Variants in NPAS3 observed in about 807,000 individuals in gnomAD.
NPAS3 encodes the protein neuronal PAS domain protein 3, also known as neuronal PAS domain-containing protein 3.
A neutral mutation model predicts 73.1 loss-of-function variants in NPAS3; 14 were observed. The observed-to-expected ratio is 0.19, with a 90% CI of 0.13 to 0.30. The LOEUF (loss-of-function observed/expected upper bound fraction) is 0.30, where lower values mean the gene tolerates loss of function less well. Among genes scored for constraint, NPAS3 ranks in the 10% least tolerant of loss-of-function variants. NPAS3 has a pLI of 1.00. For missense variants in NPAS3, 1,096 were observed against 1,250.0 expected (o/e 0.88, Z 1.86); for synonymous variants, 620 against 541.5 (o/e 1.14, Z -2.01).
chr14:32,939,284 A>G, upstream of NPAS3: 1 of 557,906 alleles, frequency 1.8e-6, no homozygotes, highest in Non-Finnish European at 3.2e-6. Context: ...GGAGAGAGGC[A>G]AAAAGTAAGA....
chr14:33,562,223 A>C (rs1418777706), intron 5 of NPAS3, among the ~76,000 whole-genome samples: 1 of 152,236 alleles, frequency 6.6e-6, no homozygotes, highest in African/African-American at 2.4e-5. Flanking sequence ...CTGTATCATT[A>C]AGTAAAATCT....
At chr14:33,137,899 G>C (rs913700846) in intron 2 of NPAS3, among the ~76,000 whole-genome samples, 1 of 152,102 alleles carries the variant, frequency 6.6e-6, no homozygotes, top group African/African-American at 2.4e-5. Flanking sequence ...ATTCTCAATA[G>C]TTTTTGGGGA....
At chr14:33,205,876 T>C (rs975838433) in intron 2 of NPAS3, among the ~76,000 whole-genome samples, 12 of 152,192 alleles carry the variant, frequency 7.9e-5, no homozygotes, top group Non-Finnish European at 1.6e-4. Flanking sequence ...CTTAGTTGTG[T>C]TTCAGAAGTG....
intron 4 of NPAS3, among the ~76,000 whole-genome samples, chr14:33,416,096 G>A (rs1381436520): frequency 6.6e-6 from 1 of 152,048 alleles, no homozygotes; most frequent in African/African-American, 2.4e-5. Flanking sequence ...TTTAAATCAA[G>A]CTTTGTACAC....
chr14:33,156,944 A>G (rs1286465646), intron 2 of NPAS3, among the ~76,000 whole-genome samples: 1 of 152,220 alleles, frequency 6.6e-6, no homozygotes. Context: ...TTAATGCAGT[A>G]TTTATAAATA....
intron 3 of NPAS3, among the ~76,000 whole-genome samples, chr14:33,366,095 A>G (rs1006887319): frequency 6.6e-6 from 1 of 152,134 alleles, no homozygotes; most frequent in Non-Finnish European, 1.5e-5. Flanking sequence ...GTGTAAAGCA[A>G]ATGGATTTTT....
At chr14:33,680,474 T>C in intron 6 of NPAS3, 1 of 640,774 alleles carries the variant, frequency 1.6e-6, no homozygotes. Context: ...CCTGTGTATG[T>C]AGGTATGTAT....
intron 5 of NPAS3, among the ~76,000 whole-genome samples, chr14:33,579,922 A>G (rs1332493573): frequency 6.6e-6 from 1 of 152,220 alleles, no homozygotes; most frequent in African/African-American, 2.4e-5. Context: ...TAGGTTTACC[A>G]TATGGATCTC....
At chr14:33,575,564 A>G (rs1344714095) in intron 5 of NPAS3, among the ~76,000 whole-genome samples, 1 of 152,198 alleles carries the variant, frequency 6.6e-6, no homozygotes, top group Non-Finnish European at 1.5e-5. Context: ...CATAATTGGT[A>G]AAAAGAATAT....
intron 3 of NPAS3, among the ~76,000 whole-genome samples, chr14:33,225,213 G>A (rs887810507): frequency 3.3e-5 from 5 of 152,194 alleles, no homozygotes; most frequent in Non-Finnish European, 7.4e-5. Flanking sequence ...TACATAGTTT[G>A]CTTAAGACTT....
intron 2 of NPAS3, among the ~76,000 whole-genome samples, chr14:33,127,090 TG>T (rs908771490): frequency 1.7e-4 from 23 of 136,210 alleles, no homozygotes; most frequent in African/African-American, 4.6e-4. Context: ...TCCCTGCTTT[TG>T]AAAAAAAAAA....
At chr14:33,077,332 T>C (rs1211571979) in intron 2 of NPAS3, among the ~76,000 whole-genome samples, 2 of 152,204 alleles carry the variant, frequency 1.3e-5, no homozygotes. Context: ...GATTTCCTTT[T>C]GGAAATTATT....
chr14:33,751,591 T>C (rs1808802275), intron 7 of NPAS3, among the ~76,000 whole-genome samples: 1 of 152,236 alleles, frequency 6.6e-6, no homozygotes, highest in African/African-American at 2.4e-5. Context: ...ATTGGAAATG[T>C]CTCTGTATTT....
intron 6 of NPAS3, among the ~76,000 whole-genome samples, chr14:33,693,827 C>T (rs189000423): frequency 7.3e-4 from 111 of 152,252 alleles, no homozygotes; most frequent in Non-Finnish European, 1.5e-3. Flanking sequence ...GAATAACAAA[C>T]AGGACTAAGA....
chr14:33,148,307 G>A (rs2044319941), intron 2 of NPAS3, among the ~76,000 whole-genome samples: 1 of 152,046 alleles, frequency 6.6e-6, no homozygotes, highest in Non-Finnish European at 1.5e-5. Context: ...GGAACAATGA[G>A]TATATAAAAA....
intron 2 of NPAS3, among the ~76,000 whole-genome samples, chr14:33,181,525 A>G (rs910498729): frequency 6.6e-6 from 1 of 152,204 alleles, no homozygotes; most frequent in Non-Finnish European, 1.5e-5. Flanking sequence ...CTGTGATTTC[A>G]TATCTGTGCA....
intron 4 of NPAS3, among the ~76,000 whole-genome samples, chr14:33,516,443 A>G (rs1478333216): frequency 6.6e-6 from 1 of 152,152 alleles, no homozygotes; most frequent in Non-Finnish European, 1.5e-5. Flanking sequence ...GAAATTACAT[A>G]CTGTGGAATA....
At position 33,391,435 on chromosome 14, in the gene NPAS3, C is replaced by T. The variant is rs532094006; in HGVS notation, c.468+24167C>T. On this transcript the variant is annotated intron_variant, in intron 4 of 11. Coordinates refer to ENST00000356141, the Ensembl canonical transcript of NPAS3. Reference sequence around the variant, plus strand: ...CTTGAACTCCCTACCTCAGGTGATCCGCCAGTCTTGGCCTCCCAAAGTGCT... The same window carrying T: ...CTTGAACTCCCTACCTCAGGTGATCTGCCAGTCTTGGCCTCCCAAAGTGCT... 5.3e-5 allele frequency among the ~76,000 whole-genome samples: 8 copies of T among 152,150 alleles called. No homozygotes were observed. In the South Asian group the frequency reaches 1.2e-3, roughly 24 times the overall value.
intron 4 of NPAS3, among the ~76,000 whole-genome samples, chr14:33,488,770 A>C (rs921839181): frequency 6.6e-6 from 1 of 152,176 alleles, no homozygotes; most frequent in African/African-American, 2.4e-5. Flanking sequence ...CTGGGTGTGC[A>C]CAGAGCTGGC....
Sources: allele counts gnomAD v4.1 joint callset (sites outside exome capture counted in the v4.1 genomes callset), GRCh38; gene constraint gnomAD v4.1.1; transcripts MANE v1.5; gene names NCBI Gene and HGNC (gene_info 2026-07-23, HGNC 2026-07-21).